ISX: variants seen among roughly 807,000 people sequenced by gnomAD.
ISX encodes intestine-specific homeobox.
In ISX, 15 loss-of-function variants were observed where a neutral mutation model predicts 16.9. The ratio of observed to expected loss-of-function variants is 0.89; its 90% CI spans 0.59 to 1.36. The LOEUF (loss-of-function observed/expected upper bound fraction) is 1.36. Among genes scored for constraint, ISX ranks in the 40% most tolerant of loss-of-function variants. The pLI, the probability that ISX is intolerant of heterozygous loss-of-function variation, is 0.00. For missense variants in ISX, 316 were observed against 306.1 expected, an observed-to-expected ratio of 1.03 and a Z score of -0.24; for synonymous variants, 125 against 119.7, an observed-to-expected ratio of 1.04 and a Z score of -0.29.
intron 4 of ISX, 89 bp downstream of exon 4, chr22:35,084,588 G>A: frequency 1.2e-6 from 1 of 803,958 alleles, no homozygotes; most frequent in Non-Finnish European, 2.0e-6. Context: ...GCACCTCGGG[G>A]GCTCTGTCTA....
chr22:35,079,686 G>A (rs1929077543), intron 2 of ISX, among the ~76,000 whole-genome samples: 1 of 152,188 alleles, frequency 6.6e-6, no homozygotes, highest in African/African-American at 2.4e-5. Flanking sequence ...TACAAGGAAT[G>A]TGGAAAAAAT....
chr22:35,073,453 G>A (rs149789299), intron 2 of ISX, among the ~76,000 whole-genome samples: 77 of 152,290 alleles, frequency 5.1e-4, no homozygotes, highest in African/African-American at 1.7e-3. Flanking sequence ...TAGAATCAAT[G>A]GGATCCCTGA....
intron 1 of ISX, 35 bp downstream of exon 1, chr22:35,066,497 G>C (rs1282848266): frequency 1.3e-5 from 2 of 155,270 alleles, no homozygotes; most frequent in Non-Finnish European, 2.9e-5. Flanking sequence ...CAGAACTGAA[G>C]GAAGTAAACA....
At chr22:35,079,485 G>A (rs1929071217) in intron 2 of ISX, among the ~76,000 whole-genome samples, 1 of 152,148 alleles carries the variant, frequency 6.6e-6, no homozygotes, top group Non-Finnish European at 1.5e-5. Flanking sequence ...GCTGGTCTCA[G>A]ATACAGTCAG....
At chr22:35,076,606 G>A (rs568556812) in intron 2 of ISX, among the ~76,000 whole-genome samples, 3 of 152,170 alleles carry the variant, frequency 2.0e-5, no homozygotes, top group Non-Finnish European at 2.9e-5. Flanking sequence ...AGACGAGGAT[G>A]AGGCCCATTT....
intron 4 of ISX, among the ~76,000 whole-genome samples, chr22:35,084,807 A>G (rs60862791): frequency 0.017 from 2,547 of 152,288 alleles, 63 homozygotes; most frequent in African/African-American, 0.059. Context: ...TGTTGGACAC[A>G]CGGGCTCTGG....
At chr22:35,076,414 G>A (rs937262501) in intron 2 of ISX, among the ~76,000 whole-genome samples, 4 of 152,234 alleles carry the variant, frequency 2.6e-5, no homozygotes, top group African/African-American at 9.6e-5. Flanking sequence ...CTTGTTCCCT[G>A]TGGGCACAGG....
intron 2 of ISX, among the ~76,000 whole-genome samples, chr22:35,068,466 G>A (rs1928765489): frequency 6.6e-6 from 1 of 152,144 alleles, no homozygotes; most frequent in African/African-American, 2.4e-5. Context: ...GTTTTCCAAA[G>A]GGAAAGGGTC....
At position 35,082,657 on chromosome 22, in the gene ISX, A is replaced by C. The variant is rs1929149967; in HGVS notation, c.369A>C (p.Glu123Asp). 1 of 1,613,994 alleles carries C rather than the reference A, an allele frequency of 6.2e-7. No homozygotes were observed. The highest frequency in any genetic ancestry group is 2.2e-5 in the East Asian group (1 of 44,888). ...SQLAARINLPEARVQIWFQNQ... is the reference protein window; with the variant it reads ...SQLAARINLPDARVQIWFQNQ... ...TGGCAGCCAGGATCAACCTCCCAGA[A>C]GCTCGGGTGCAGGTACAGCCATCCC... The change falls in exon 3 of 5, where the codon GAA becomes GAC. Residue 123 changes from glutamate to aspartate, a missense_variant. Coordinates refer to ENST00000404699, the MANE Select transcript of ISX (RefSeq NM_001303508.2).
intron 3 of ISX, among the ~76,000 whole-genome samples, chr22:35,084,085 G>T (rs1388282837): frequency 4.6e-5 from 7 of 152,228 alleles, no homozygotes; most frequent in Non-Finnish European, 8.8e-5. Context: ...ACTGTTGACG[G>T]GAGCTGAGAA....
At position 35,085,461 on chromosome 22, in the gene ISX, C is replaced by T. The variant is rs377316654; in HGVS notation, c.506C>T (p.Thr169Met). The T allele has an allele frequency of 8.7e-5, 141 of 1,614,092 alleles. 2 individuals are homozygous for T. The South Asian group carries it at 1.0e-3, about 11-fold the overall frequency. Residue 169 changes from threonine to methionine, a missense_variant, in exon 5 of 5, where the codon ACG becomes ATG. Thr to Met is a moderately conservative substitution (Grantham distance 81, BLOSUM62 -1). Coordinates refer to ENST00000404699, the MANE Select transcript of ISX (RefSeq NM_001303508.2). ...LPTNLDVAGP[T>M]WTSTALRRLA... is the part of the protein sequence containing the mutation. The stretch of plus-strand genomic sequence containing the variant: ...GACCTCTCCTTGTGACAGGGGCCCA[C>T]GTGGACATCCACTGCTCTGCGCAGG...
At chr22:35,083,548 C>G (rs1291984039) in intron 3 of ISX, among the ~76,000 whole-genome samples, 1 of 152,362 alleles carries the variant, frequency 6.6e-6, no homozygotes, top group East Asian at 1.9e-4. Context: ...CACCCTAGCA[C>G]ACGACGTTCC....
rs973779796 is a variant in ISX, at chr22:35,071,424, T to C, written c.229+4108T>C. Among the ~76,000 whole-genome samples, 86 of 152,326 alleles carry C rather than the reference T, an allele frequency of 5.6e-4. 1 individual carries two copies. The highest frequency in any genetic ancestry group is 2.0e-3 in the African/African-American group (85 of 41,578). ...CTTCTGGAGGCTCCAAGGGAAAATC[T>C]GATCCATGCCTCTCTCGTAGTTTCT... On this transcript the variant is annotated intron_variant, in intron 2 of 4. Transcript: ENST00000404699.
chr22:35,082,752 G>C (rs1929153290), intron 3 of ISX, 83 bp downstream of exon 3: 1 of 1,454,598 alleles, frequency 6.9e-7, no homozygotes, highest in Non-Finnish European at 9.4e-7. Flanking sequence ...GACTTTTCGG[G>C]TTGCCCCATC....
intron 2 of ISX, among the ~76,000 whole-genome samples, chr22:35,072,177 G>A (rs772116923): frequency 6.6e-6 from 1 of 152,196 alleles, no homozygotes; most frequent in South Asian, 2.1e-4. Flanking sequence ...CCTTCCTACA[G>A]GGATACCTGG....
At chr22:35,067,737 C>G (rs1266297611) in intron 2 of ISX, among the ~76,000 whole-genome samples, 2 of 152,088 alleles carry the variant, frequency 1.3e-5, no homozygotes, top group Non-Finnish European at 2.9e-5. Flanking sequence ...AAACAGAAGC[C>G]CCGCTATCAG....
At chr22:35,079,993 C>T (rs1163826379) in intron 2 of ISX, among the ~76,000 whole-genome samples, 1 of 152,192 alleles carries the variant, frequency 6.6e-6, no homozygotes, top group Non-Finnish European at 1.5e-5. Flanking sequence ...GGGCAATCTT[C>T]CTTACTCTCC....
At position 35,083,052 on chromosome 22, in the gene ISX, G is replaced by A. The variant is rs1004429427; in HGVS notation, c.381+383G>A. Among the ~76,000 whole-genome samples the A allele has an allele frequency of 1.2e-4, 19 of 152,354 alleles. 1 individual carries two copies. In the East Asian group the frequency reaches 2.9e-3, roughly 23 times the overall value. The stretch of plus-strand genomic sequence containing the variant: ...CCAGATGGTAATGATATTAGGCTTT[G>A]CAGGGTATATCGTCAGTGTCAGAGC... On this transcript the variant is annotated intron_variant, in intron 3 of 4. Transcript: ENST00000404699.
intron 2 of ISX, among the ~76,000 whole-genome samples, chr22:35,072,211 C>G (rs1336473897): frequency 1.3e-5 from 2 of 152,320 alleles, no homozygotes; most frequent in Middle Eastern, 3.4e-3. Flanking sequence ...AATTGAGAAC[C>G]TGGCTCAGTC....
Sources: gnomAD v4.1 joint callset for allele counts (sites outside exome capture counted in the v4.1 genomes callset) on GRCh38, gnomAD v4.1.1 for gene constraint, MANE v1.5 for transcripts, NCBI Gene and HGNC (gene_info 2026-07-23, HGNC 2026-07-21) for gene names.